Variants in SRFBP1 observed in about 807,000 individuals in gnomAD.
The protein encoded by SRFBP1 is serum response factor-binding protein 1.
A neutral mutation model predicts 45.5 loss-of-function variants in SRFBP1; 47 were observed. That is an observed-to-expected ratio of 1.03 (90% confidence interval 0.82 to 1.32). SRFBP1 has a LOEUF of 1.32. Ranked by LOEUF, SRFBP1 falls within the 40% of genes most tolerant of loss-of-function variation. The pLI, the probability that SRFBP1 is intolerant of heterozygous loss-of-function variation, is 0.00. For missense variants in SRFBP1, 621 were observed against 484.6 expected, an observed-to-expected ratio of 1.28 and a Z score of -2.64; for synonymous variants, 203 against 166.3, an observed-to-expected ratio of 1.22 and a Z score of -1.70.
At chr5:122,036,177 C>T (rs1580538610) in intron 2 of SRFBP1, among the ~76,000 whole-genome samples, 1 of 152,094 alleles carries the variant, frequency 6.6e-6, no homozygotes, top group East Asian at 1.9e-4. Context: ...CTGATAAGAG[C>T]ATTTTTGTAT....
At chr5:121,970,136 C>G (rs1752156905) in intron 1 of SRFBP1, among the ~76,000 whole-genome samples, 1 of 152,070 alleles carries the variant, frequency 6.6e-6, no homozygotes, top group Non-Finnish European at 1.5e-5. Context: ...TAAATCCTAA[C>G]TTAAAGGCTA....
Position 122,005,555 on chromosome 5 carries a change from A to T in SRFBP1, c.270+10885A>T, listed in dbSNP as rs114302289. On this transcript the variant is annotated intron_variant, in intron 4 of 7. Transcript: ENST00000339397. Reference sequence around the variant, plus strand: ...ATAAAATAAGTCTCTTATAGGCAGCATATGGTTGGGTCTTATTTTTGTTTT... The same window carrying T: ...ATAAAATAAGTCTCTTATAGGCAGCTTATGGTTGGGTCTTATTTTTGTTTT... Among the ~76,000 whole-genome samples the T allele has an allele frequency of 4.1e-3, 619 of 152,192 alleles. 7 individuals carry two copies. Among genetic ancestry groups the T allele is most frequent in the African/African-American group, 0.014 (599 of 41,524 alleles).
intron 3 of SRFBP1, among the ~76,000 whole-genome samples, chr5:121,987,344 A>G (rs1752539080): frequency 6.6e-6 from 1 of 152,184 alleles, no homozygotes; most frequent in African/African-American, 2.4e-5. Context: ...GAATAGGTGT[A>G]GGAAGAAGAT....
At chr5:121,994,100 T>A (rs1752669842) in intron 3 of SRFBP1, among the ~76,000 whole-genome samples, 5 of 152,080 alleles carry the variant, frequency 3.3e-5, no homozygotes, top group Admixed American at 3.3e-4. Flanking sequence ...GGAAGTTGTG[T>A]GTCAGAGTCT....
At chr5:121,994,420 C>G (rs1037043467) in intron 3 of SRFBP1, among the ~76,000 whole-genome samples, 179 bp from the exon 4 acceptor site, 1 of 151,926 alleles carries the variant, frequency 6.6e-6, no homozygotes, top group African/African-American at 2.4e-5. Context: ...TACACTAATT[C>G]ACATTCCGTT....
chr5:121,980,951 A>G (rs1752395263), intron 3 of SRFBP1, among the ~76,000 whole-genome samples: 1 of 152,110 alleles, frequency 6.6e-6, no homozygotes, highest in African/African-American at 2.4e-5. Flanking sequence ...CACTGTTTCT[A>G]AACCATGCTG....
At chr5:121,999,051 C>T (rs1309108732) in intron 4 of SRFBP1, among the ~76,000 whole-genome samples, 3 of 151,792 alleles carry the variant, frequency 2.0e-5, no homozygotes, top group African/African-American at 7.3e-5. Flanking sequence ...GTGTTTTTTT[C>T]TGGTTTCTTA....
At chr5:121,988,763 T>A (rs1752567196) in intron 3 of SRFBP1, among the ~76,000 whole-genome samples, 1 of 152,196 alleles carries the variant, frequency 6.6e-6, no homozygotes, top group African/African-American at 2.4e-5. Context: ...TCAGAGGTCA[T>A]CTCCTAGGAG....
intron 4 of SRFBP1, among the ~76,000 whole-genome samples, chr5:122,002,367 G>A (rs1187977326): frequency 6.6e-6 from 1 of 152,108 alleles, no homozygotes; most frequent in South Asian, 2.1e-4. Flanking sequence ...GACAAATACT[G>A]GATTTTCCTA....
rs1368737271 is a variant in SRFBP1, at chr5:122,020,359, A to G, written c.624A>G (p.Ser208=). The part of the protein sequence containing the change: ...VTIANSPSKP[S]EKDSVVSLES... ...TTGCAAATTCTCCATCAAAGCCTTCAGAAAAGGATTCTGTAGTTTCCCTTG... is the reference window on the plus strand; with the variant it reads ...TTGCAAATTCTCCATCAAAGCCTTCGGAAAAGGATTCTGTAGTTTCCCTTG... Residue 208 remains serine, a synonymous_variant, in exon 6 of 8, where the codon TCA becomes TCG. Coordinates refer to ENST00000339397, the MANE Select transcript of SRFBP1 (RefSeq NM_152546.3). 2.5e-6 allele frequency: 4 copies of G among 1,614,014 alleles called. No homozygotes were observed. Among genetic ancestry groups the G allele is most frequent in the Non-Finnish European group, 3.4e-6 (4 of 1,179,994 alleles).
intron 3 of SRFBP1, among the ~76,000 whole-genome samples, chr5:121,985,325 TG>T (rs1277390565): frequency 4.0e-5 from 6 of 151,724 alleles, no homozygotes; most frequent in African/African-American, 7.2e-5. Context: ...GTTTTGGTGT[TG>T]GGTTTTGTTT....
intron 3 of SRFBP1, among the ~76,000 whole-genome samples, chr5:121,982,645 A>G (rs971170807): frequency 2.6e-5 from 4 of 151,866 alleles, no homozygotes; most frequent in African/African-American, 9.7e-5. Flanking sequence ...TGTTGGCAAA[A>G]GAGATGAAAA....
intron 2 of SRFBP1, among the ~76,000 whole-genome samples, chr5:122,055,189 T>C (rs1314364578): frequency 6.6e-6 from 1 of 152,198 alleles, no homozygotes; most frequent in Non-Finnish European, 1.5e-5. Context: ...TCCTCACTCA[T>C]GATGCCTTCT....
intron 2 of SRFBP1, among the ~76,000 whole-genome samples, chr5:122,068,363 A>T (rs531282911): frequency 3.3e-5 from 5 of 152,070 alleles, no homozygotes; most frequent in Non-Finnish European, 5.9e-5. Context: ...CTCCAGACCT[A>T]TTTCTAGTGG....
At chr5:121,983,632 C>T (rs1315580110) in intron 3 of SRFBP1, among the ~76,000 whole-genome samples, 1 of 151,578 alleles carries the variant, frequency 6.6e-6, no homozygotes, top group Non-Finnish European at 1.5e-5. Context: ...GTTTTTTAAG[C>T]TTTTGTTCAC....
Position 121,994,671 on chromosome 5 carries a change from G to T in SRFBP1, c.270+1G>T, listed in dbSNP as rs1378243735. 2.6e-6 allele frequency: 4 copies of T among 1,565,898 alleles called. No homozygotes were observed. The highest frequency in any genetic ancestry group is 4.5e-5 in the East Asian group (2 of 43,980). ...CAACTTTGAAAAAATCTTCAAAAAG[G>T]TATATCTGCAATAGATTATATTTGT... On this transcript the variant is annotated splice_donor_variant, in intron 4 of 7. Coordinates refer to ENST00000339397, the MANE Select transcript of SRFBP1 (RefSeq NM_152546.3). LOFTEE classifies it high-confidence loss of function.
At chr5:122,040,862 A>G (rs1753761952) in intron 2 of SRFBP1, among the ~76,000 whole-genome samples, 1 of 151,848 alleles carries the variant, frequency 6.6e-6, no homozygotes, top group African/African-American at 2.4e-5. Flanking sequence ...TCATCTTGTT[A>G]GAGAGAACTT....
intron 3 of SRFBP1, among the ~76,000 whole-genome samples, chr5:121,993,176 C>T (rs1752652007): frequency 6.6e-6 from 1 of 152,044 alleles, no homozygotes; most frequent in South Asian, 2.1e-4. Context: ...TGATTTTGAA[C>T]CTTCACATCA....
chr5:122,021,018 T>C (rs1428182525), intron 6 of SRFBP1, among the ~76,000 whole-genome samples: 3 of 152,232 alleles, frequency 2.0e-5, no homozygotes, highest in Admixed American at 6.5e-5. Flanking sequence ...TGAGATGTTA[T>C]AGCCAAATAA....
Sources: gnomAD v4.1 joint callset for allele counts (sites outside exome capture counted in the v4.1 genomes callset) on GRCh38, gnomAD v4.1.1 for gene constraint, MANE v1.5 for transcripts, NCBI Gene and HGNC (gene_info 2026-07-23, HGNC 2026-07-21) for gene names.